Variants in ROBO2 observed in about 807,000 individuals in gnomAD.
ROBO2 encodes roundabout guidance receptor 2.
A neutral mutation model predicts 160.8 loss-of-function variants in ROBO2; 53 were observed. That is an observed-to-expected ratio of 0.33 (90% confidence interval 0.26 to 0.41). ROBO2 has a LOEUF of 0.41. ROBO2 is among the 10% of genes least tolerant of loss of function. The probability of loss-of-function intolerance (pLI) is 1.00; values close to 1 mark genes in which losing one functional copy is unlikely to be tolerated. For synonymous variants in ROBO2, 664 were observed against 611.7 expected (o/e 1.09, Z -1.26); for missense variants, 1,577 against 1,722.4 (o/e 0.92, Z 1.49).
chr3:76,872,290 C>T (rs2148685795), intron 2 of ROBO2, among the ~76,000 whole-genome samples: 1 of 152,032 alleles, frequency 6.6e-6, no homozygotes, highest in Non-Finnish European at 1.5e-5. Context: ...GTATCATGAC[C>T]TGAAAAATTA....
At chr3:77,625,639 G>A (rs2095001594) in intron 23 of ROBO2, among the ~76,000 whole-genome samples, 1 of 152,120 alleles carries the variant, frequency 6.6e-6, no homozygotes, top group South Asian at 2.1e-4. Context: ...GCCTCCCAAA[G>A]TGCTGGGATT....
intron 2 of ROBO2, among the ~76,000 whole-genome samples, chr3:76,391,282 G>A (rs535468109): frequency 3.3e-5 from 5 of 152,128 alleles, no homozygotes; most frequent in African/African-American, 7.2e-5. Context: ...GCTGCTTATC[G>A]TATTTTGCTA....
intron 2 of ROBO2, among the ~76,000 whole-genome samples, chr3:77,331,856 C>G (rs2065997807): frequency 6.6e-6 from 1 of 152,102 alleles, no homozygotes; most frequent in African/African-American, 2.4e-5. Flanking sequence ...CAGGCACGTG[C>G]CACCACGCCC....
intron 2 of ROBO2, among the ~76,000 whole-genome samples, chr3:76,561,658 G>T (rs1189929780): frequency 6.6e-6 from 1 of 152,152 alleles, no homozygotes; most frequent in East Asian, 1.9e-4. Flanking sequence ...TAGCTCAGAG[G>T]ATAAAAGCAT....
At chr3:76,719,439 G>A (rs532124624) in intron 2 of ROBO2, among the ~76,000 whole-genome samples, 5 of 152,114 alleles carry the variant, frequency 3.3e-5, no homozygotes, top group South Asian at 4.2e-4. Context: ...GGGCTCAAGC[G>A]GTCCTCCTGC....
At chr3:76,114,979 T>A (rs775560770) in intron 2 of ROBO2, among the ~76,000 whole-genome samples, 1 of 152,110 alleles carries the variant, frequency 6.6e-6, no homozygotes, top group East Asian at 1.9e-4. Context: ...TGACTCTCTG[T>A]TAAGTGAGGT....
intron 2 of ROBO2, among the ~76,000 whole-genome samples, chr3:76,446,902 A>G (rs2077210893): frequency 6.6e-6 from 1 of 152,238 alleles, no homozygotes; most frequent in Admixed American, 6.5e-5. Flanking sequence ...AAGGTGGATT[A>G]AAGACTTAAA....
intron 2 of ROBO2, among the ~76,000 whole-genome samples, chr3:77,125,903 A>G (rs892644012): frequency 6.6e-6 from 1 of 152,166 alleles, no homozygotes; most frequent in African/African-American, 2.4e-5. Flanking sequence ...CTTCTGAAGT[A>G]CTATTAGTTG....
chr3:77,317,380 G>T, intron 2 of ROBO2: 1 of 1,031,176 alleles, frequency 9.7e-7, no homozygotes, highest in East Asian at 2.4e-5. Flanking sequence ...GTATTGTCGG[G>T]GTTCCATTTC....
chr3:77,606,210 G>T (rs2094523131), intron 20 of ROBO2, among the ~76,000 whole-genome samples: 1 of 105,760 alleles, frequency 9.5e-6, no homozygotes, highest in Non-Finnish European at 2.2e-5. Context: ...TAAGATAGAG[G>T]ATATGGGGGA....
chr3:76,168,280 C>G (rs1358388309), intron 2 of ROBO2, among the ~76,000 whole-genome samples: 1 of 152,132 alleles, frequency 6.6e-6, no homozygotes, highest in Non-Finnish European at 1.5e-5. Flanking sequence ...AGTACATAAT[C>G]TCTTTTACCT....
chr3:76,738,045 G>A (rs1322849573), intron 2 of ROBO2, among the ~76,000 whole-genome samples: 1 of 151,916 alleles, frequency 6.6e-6, no homozygotes, highest in East Asian at 1.9e-4. Context: ...GTGGTGGGAG[G>A]ATCACTTCAG....
At chr3:76,001,029 T>C (rs1436751359) in intron 2 of ROBO2, among the ~76,000 whole-genome samples, 2 of 152,218 alleles carry the variant, frequency 1.3e-5, no homozygotes, top group African/African-American at 2.4e-5. Context: ...CTGCTTTTCA[T>C]TGACTTGACT....
intron 2 of ROBO2, among the ~76,000 whole-genome samples, chr3:76,527,265 T>G (rs910780000): frequency 3.3e-5 from 5 of 152,114 alleles, no homozygotes; most frequent in African/African-American, 1.2e-4. Flanking sequence ...TCTGTTTTCT[T>G]AAATGGGACA....
chr3:77,079,270 A>G (rs776170690), intron 1 of ROBO2, among the ~76,000 whole-genome samples: 14 of 152,168 alleles, frequency 9.2e-5, no homozygotes, highest in Non-Finnish European at 2.1e-4. Flanking sequence ...ATTTAATTCA[A>G]CTATTAATAC....
intron 2 of ROBO2, among the ~76,000 whole-genome samples, chr3:76,796,657 G>T (rs971949482): frequency 5.3e-5 from 8 of 152,058 alleles, no homozygotes; most frequent in Non-Finnish European, 7.4e-5. Flanking sequence ...GACATACAGT[G>T]TCTGAATGGT....
At chr3:77,592,304 T>C (rs1009879264) in intron 17 of ROBO2, among the ~76,000 whole-genome samples, 12 of 152,138 alleles carry the variant, frequency 7.9e-5, no homozygotes, top group African/African-American at 2.9e-4. Context: ...TAAGTGTCTT[T>C]ATAGAATATT....
At chr3:76,487,800 C>A (rs906797473) in intron 2 of ROBO2, among the ~76,000 whole-genome samples, 2 of 152,164 alleles carry the variant, frequency 1.3e-5, no homozygotes, top group Non-Finnish European at 1.5e-5. Context: ...ACTGAATTCC[C>A]CATTTTCTTG....
intron 1 of ROBO2, among the ~76,000 whole-genome samples, chr3:77,084,269 C>T (rs183091259): frequency 1.7e-3 from 257 of 152,058 alleles, no homozygotes; most frequent in Non-Finnish European, 2.8e-3. Flanking sequence ...GGGAAAATTA[C>T]GTGGAATATT....
Sources: allele counts gnomAD v4.1 joint callset (sites outside exome capture counted in the v4.1 genomes callset), GRCh38; gene constraint gnomAD v4.1.1; transcripts MANE v1.5; gene names NCBI Gene and HGNC (gene_info 2026-07-23, HGNC 2026-07-21).